BIK: variants seen among roughly 807,000 people sequenced by gnomAD.
BIK encodes the protein BCL2 interacting killer.
Under a neutral mutation model 12.1 loss-of-function variants are expected in BIK, and 14 were observed. The ratio of observed to expected loss-of-function variants is 1.16; its 90% CI spans 0.77 to 1.81. The LOEUF (loss-of-function observed/expected upper bound fraction) is 1.81, where lower values mean the gene tolerates loss of function less well. Ranked by LOEUF, BIK falls within the 40% of genes most tolerant of loss-of-function variation. The pLI is 0.00. For missense variants in BIK, 215 were observed against 207.9 expected, an observed-to-expected ratio of 1.03 and a Z score of -0.21; for synonymous variants, 86 against 92.3, an observed-to-expected ratio of 0.93 and a Z score of 0.39.
rs373141908 is a variant in BIK at position 43,129,471 on chromosome 22, G to GA, written c.*166_*167insA. 5 of 1,057,312 alleles carry GA rather than the reference G, an allele frequency of 4.7e-6. No individual in the cohort carries two copies. Among genetic ancestry groups the GA allele is most frequent in the Non-Finnish European group, 6.3e-6 (5 of 792,028 alleles). The allele number at this position is 1,057,312 out of a possible 1,614,324, so 65.5% of individuals were successfully genotyped here. A position where few individuals can be genotyped will look rare whatever the true frequency, so the allele number is the denominator to read the frequency against. On this transcript the variant is annotated 3_prime_UTR_variant, in exon 5 of 5. Transcript: ENST00000216115. ...CTGAGGTTTTATACTCAGGTTTTTT[G>GA]TTTTTTTTTTATTCCAGTTTTCGTT...
chr22:43,127,541 T>C (rs185854477), intron 2 of BIK, among the ~76,000 whole-genome samples, 156 bp from the exon 3 acceptor site: 34 of 152,290 alleles, frequency 2.2e-4, no homozygotes, highest in African/African-American at 7.9e-4. Context: ...GGAGGAGGGA[T>C]ACAGGGAGGC....
chr22:43,123,106 A>C (rs1930248611), intron 1 of BIK, among the ~76,000 whole-genome samples: 1 of 152,250 alleles, frequency 6.6e-6, no homozygotes, highest in African/African-American at 2.4e-5. Context: ...CTGCCAGTAA[A>C]GAAGGCTGTA....
intron 2 of BIK, 100 bp from the exon 3 acceptor site, chr22:43,127,597 G>A (rs1230713532): frequency 9.4e-7 from 1 of 1,067,492 alleles, no homozygotes; most frequent in African/African-American, 1.6e-5. Context: ...TTATCCTCTG[G>A]GCCACTCCCA....
At chr22:43,123,028 C>T (rs1930247115) in intron 1 of BIK, among the ~76,000 whole-genome samples, 1 of 152,116 alleles carries the variant, frequency 6.6e-6, no homozygotes, top group Admixed American at 6.6e-5. Context: ...GCAGGGCCAC[C>T]CCGAAGAAAA....
chr22:43,129,110 A>T, intron 4 of BIK, 103 bp from the exon 5 acceptor site: 1 of 1,584,954 alleles, frequency 6.3e-7, no homozygotes, highest in Non-Finnish European at 8.6e-7. Flanking sequence ...GCTCCTTCCC[A>T]GTCCCCACCC....
intron 2 of BIK, among the ~76,000 whole-genome samples, chr22:43,127,005 T>TC (rs1930328948): frequency 6.6e-6 from 1 of 151,982 alleles, no homozygotes; most frequent in Admixed American, 6.6e-5. Flanking sequence ...CCCTGGGAGT[T>TC]CCCCCGGTGT....
intron 1 of BIK, among the ~76,000 whole-genome samples, chr22:43,115,265 C>T (rs1186446971): frequency 6.6e-6 from 1 of 152,010 alleles, no homozygotes; most frequent in Non-Finnish European, 1.5e-5. Context: ...CAGTGAGTCC[C>T]CCGTGCCTGC....
At chr22:43,127,911 T>C in intron 3 of BIK, 116 bp downstream of exon 3, 1 of 904,496 alleles carries the variant, frequency 1.1e-6, no homozygotes, top group Non-Finnish European at 1.5e-6. Context: ...GGATGTGCCT[T>C]GACACTGGGG....
intron 1 of BIK, among the ~76,000 whole-genome samples, chr22:43,118,902 C>G (rs139539717): frequency 6.6e-6 from 1 of 152,156 alleles, no homozygotes; most frequent in Non-Finnish European, 1.5e-5. Flanking sequence ...GAGGGCTGAG[C>G]AGAACACATC....
chr22:43,117,710 G>T (rs1171908076), intron 1 of BIK, among the ~76,000 whole-genome samples: 1 of 141,054 alleles, frequency 7.1e-6, no homozygotes, highest in Non-Finnish European at 1.5e-5. Flanking sequence ...CGCTCTTGTC[G>T]CCCAGGTTGG....
chr22:43,119,536 G>A (rs1476393629), intron 1 of BIK, among the ~76,000 whole-genome samples: 1 of 152,032 alleles, frequency 6.6e-6, no homozygotes, highest in Non-Finnish European at 1.5e-5. Context: ...GGTGTTACTA[G>A]TATCTCCATT....
At chr22:43,122,352 T>C (rs2147022867) in intron 1 of BIK, among the ~76,000 whole-genome samples, 1 of 152,274 alleles carries the variant, frequency 6.6e-6, no homozygotes, top group East Asian at 1.9e-4. Flanking sequence ...AGTGCCAACT[T>C]CCTCCCAGCG....
chr22:43,122,121 G>A (rs1036566164), intron 1 of BIK, among the ~76,000 whole-genome samples: 17 of 152,236 alleles, frequency 1.1e-4, no homozygotes, highest in Admixed American at 5.2e-4. Flanking sequence ...CCTGCCTGCC[G>A]TCAGTTTTCT....
intron 2 of BIK, among the ~76,000 whole-genome samples, chr22:43,124,778 G>A (rs1207969803): frequency 2.6e-5 from 4 of 151,952 alleles, no homozygotes; most frequent in Non-Finnish European, 5.9e-5. Context: ...TGTAGTCCCA[G>A]CTAGTCGGGA....
At position 43,124,092 on chromosome 22, in the gene BIK, C is replaced by A; in HGVS notation, c.70C>A (p.Pro24Thr). 3 of 1,614,152 alleles carry A rather than the reference C, an allele frequency of 1.9e-6. No individual in the cohort carries two copies. Among genetic ancestry groups the A allele is most frequent in the Non-Finnish European group, 1.7e-6 (2 of 1,180,014 alleles). Residue 24 changes from proline to threonine, a missense_variant, in exon 2 of 5, where the codon CCC (proline) becomes ACC (threonine). Pro to Thr is a conservative substitution (Grantham distance 38). Coordinates refer to ENST00000216115, the MANE Select transcript of BIK (RefSeq NM_001197.5). ...ETLLYEQLLE[P>T]PTMEVLGMTD... ...CCTCCTGTATGAGCAGCTCCTGGAA[C>A]CCCCGACCATGGAGGTTCTTGGCAT...
At chr22:43,110,870 G>C (rs559071310) in intron 1 of BIK, 67 bp downstream of exon 1, 1 of 152,250 alleles carries the variant, frequency 6.6e-6, no homozygotes, top group South Asian at 2.1e-4. Flanking sequence ...TTAGCGCCCA[G>C]GCCGCGGCCC....
In BIK at chr22:43,127,814, A is replaced by G. The variant is rs1221717064; in HGVS notation, c.260+19A>G. The G allele has an allele frequency of 7.1e-6, 11 of 1,542,666 alleles. No homozygotes were observed. Among genetic ancestry groups the G allele is most frequent in the Non-Finnish European group, 9.6e-6 (11 of 1,141,674 alleles). On this transcript the variant is annotated intron_variant, in intron 3 of 4. Coordinates refer to ENST00000216115, the MANE Select transcript of BIK (RefSeq NM_001197.5). ...TGCACAGGTAGCCGGCCTATGCCCT[A>G]TGCCTCTACACCTGGGGAGGGGCCC...
At chr22:43,118,063 C>T (rs760832051) in intron 1 of BIK, among the ~76,000 whole-genome samples, 2 of 152,148 alleles carry the variant, frequency 1.3e-5, no homozygotes, top group Non-Finnish European at 2.9e-5. Flanking sequence ...GAACTGGGCT[C>T]GTGCGACGTG....
intron 1 of BIK, among the ~76,000 whole-genome samples, chr22:43,115,348 T>C (rs1176419362): frequency 2.6e-5 from 4 of 152,076 alleles, no homozygotes; most frequent in Non-Finnish European, 4.4e-5. Context: ...TGCAAGTTCA[T>C]AGGGGAGACC....
Sources: allele counts gnomAD v4.1 joint callset (sites outside exome capture counted in the v4.1 genomes callset), GRCh38; gene constraint gnomAD v4.1.1; transcripts MANE v1.5; gene names NCBI Gene and HGNC (gene_info 2026-07-23, HGNC 2026-07-21).